The following KIF21B variants were observed in gnomAD, a reference collection of about 807,000 sequenced individuals.
KIF21B encodes kinesin family member 21B.
Under a neutral mutation model 192.9 loss-of-function variants are expected in KIF21B, and 85 were observed. That is an observed-to-expected ratio of 0.44 (90% CI 0.37 to 0.53). The LOEUF is 0.53. KIF21B is among the 20% of genes least tolerant of loss of function. The probability of loss-of-function intolerance (pLI) is 0.00; values close to 1 mark genes in which losing one functional copy is unlikely to be tolerated. For synonymous variants in KIF21B, 832 were observed against 884.6 expected (o/e 0.94, Z 1.05); for missense variants, 1,716 against 2,194.8 (o/e 0.78, Z 4.36).
intron 1 of KIF21B, among the ~76,000 whole-genome samples, chr1:201,011,499 A>G (rs1012652591): frequency 9.2e-5 from 14 of 152,360 alleles, no homozygotes; most frequent in African/African-American, 3.4e-4. Flanking sequence ...CTTATGCTAC[A>G]CCGTCTCTAA....
intron 1 of KIF21B, among the ~76,000 whole-genome samples, chr1:201,011,437 C>T (rs1658228843): frequency 6.6e-6 from 1 of 152,236 alleles, no homozygotes; most frequent in African/African-American, 2.4e-5. Context: ...CAGTCAGGAG[C>T]AGAGCCAGGG....
At position 200,996,442 on chromosome 1, in the gene KIF21B, C is replaced by A. The variant is rs375152729; in HGVS notation, c.2078-47G>T. ...TGTCGGTGCTGGGTCCCTAAGGGCT[C>A]CCACTAAATACAGGGTCATCAAGGG... On this transcript the variant is annotated intron_variant, in intron 14 of 34. Coordinates refer to ENST00000461742, the MANE Select transcript of KIF21B (RefSeq NM_001252102.2). 13 of 1,547,220 alleles carry A rather than the reference C, an allele frequency of 8.4e-6. No individual in the cohort carries two copies. The African/African-American group carries it at 9.5e-5, about 11-fold the overall frequency.
Position 201,000,159 on chromosome 1 carries a change from C to A in KIF21B, c.1686-195G>T, listed in dbSNP as rs1657385227. On this transcript the variant is annotated intron_variant, in intron 11 of 34. Transcript: ENST00000461742. This position sits in a 1 kb window ranked among gnomAD's most constrained non-coding sequence, Gnocchi z 6.0. Reference sequence around the variant, plus strand: ...TGACCTTGGCTCAGCTCAGTCCTTCCTCTCCTTGGGGGAAAGCAGATGGCA... The same window carrying A: ...TGACCTTGGCTCAGCTCAGTCCTTCATCTCCTTGGGGGAAAGCAGATGGCA... Among the ~76,000 whole-genome samples the A allele has an allele frequency of 6.6e-6, 1 of 152,162 alleles. No homozygotes were observed. Among genetic ancestry groups the A allele is most frequent in the Non-Finnish European group, 1.5e-5 (1 of 68,002 alleles).
Position 201,005,326 on chromosome 1 carries a change from C to T in KIF21B, c.714G>A (p.Met238Ile). The T allele has an allele frequency of 8.7e-6, 14 of 1,607,420 alleles. No individual in the cohort carries two copies. Among genetic ancestry groups the T allele is most frequent in the Non-Finnish European group, 1.1e-5 (13 of 1,176,934 alleles). ...IFTIHLCQMR[M>I]CTQPDLVNEA... ...TCCTCACCAGGTCGGGCTGGGTGCA[C>T]ATGCGCATCTGGCACAGGTGGATGG... Residue 238 changes from methionine (M) to isoleucine (I), a missense_variant, in exon 5 of 35, where the codon ATG becomes ATA. Coordinates refer to ENST00000461742, the MANE Select transcript of KIF21B (RefSeq NM_001252102.2).
At chr1:201,011,539 G>C (rs955958028) in intron 1 of KIF21B, among the ~76,000 whole-genome samples, 1 of 152,250 alleles carries the variant, frequency 6.6e-6, no homozygotes, top group Non-Finnish European at 1.5e-5. Context: ...CAGGGGGAAA[G>C]AACATCTCAT....
At chr1:201,004,637 G>A (rs185743501) in intron 6 of KIF21B, 129 bp downstream of exon 6, 11 of 1,255,986 alleles carry the variant, frequency 8.8e-6, no homozygotes, top group Middle Eastern at 1.9e-4. Flanking sequence ...CAGGGGTGAC[G>A]CCTGAGAGTG....
rs756914215 is a variant in KIF21B, at chr1:201,005,035, C to A, written c.733-102G>T. Reference sequence around the variant, plus strand: ...GGGAGAGGCACGGTGGACGGCCAAGCGCCTTGCCCTTCGCACATGCAGAGC... The same window carrying A: ...GGGAGAGGCACGGTGGACGGCCAAGAGCCTTGCCCTTCGCACATGCAGAGC... On this transcript the variant is annotated intron_variant, in intron 5 of 34. Transcript: ENST00000461742. The A allele has an allele frequency of 4.2e-5, 56 of 1,339,498 alleles. No individual in the cohort carries two copies. The African/African-American group carries it at 7.6e-4, about 18-fold the overall frequency. 83.0% of individuals were successfully genotyped at this position (1,339,498 alleles called of 1,614,324 possible). A position where few individuals can be genotyped will look rare whatever the true frequency, so the allele number is the denominator to read the frequency against.
intron 3 of KIF21B, 141 bp from the exon 4 acceptor site, chr1:201,005,835 T>TGCAGAAAGGTCATGGGA: frequency 1.2e-6 from 1 of 852,024 alleles, no homozygotes; most frequent in Non-Finnish European, 1.8e-6. Flanking sequence ...TCCCATGACC[T>TGCAGAAAGGTCATGGGA]TTCTGCAGGA....
intron 31 of KIF21B, 45 bp from the exon 32 acceptor site, chr1:200,976,938 G>A (rs1400441721): frequency 3.4e-6 from 5 of 1,460,506 alleles, no homozygotes; most frequent in East Asian, 2.3e-5. Flanking sequence ...AATTAGAGGG[G>A]ACCCTGGGTT....
At position 200,979,786 on chromosome 1, in the gene KIF21B, G is replaced by T. The variant is rs1469442006; in HGVS notation, c.3980-71C>A. ...CACTAGGGGGCGCAGCTCCACCTCT[G>T]CAGGGGCTGCCCAGGATAGGGGAAA... On this transcript the variant is annotated intron_variant, in intron 29 of 34. Coordinates refer to ENST00000461742, the MANE Select transcript of KIF21B (RefSeq NM_001252102.2). The T allele has an allele frequency of 2.3e-6, 3 of 1,329,082 alleles. No individual in the cohort carries two copies. The African/African-American group carries it at 4.5e-5, about 20-fold the overall frequency. 82.3% of individuals were successfully genotyped at this position (1,329,082 alleles called of 1,614,324 possible).
At chr1:201,018,973 C>T (rs1658663873) in intron 1 of KIF21B, among the ~76,000 whole-genome samples, 1 of 152,184 alleles carries the variant, frequency 6.6e-6, no homozygotes, top group Non-Finnish European at 1.5e-5. Flanking sequence ...CTTGCTTAGT[C>T]ACCCAGGCTG....
intron 29 of KIF21B, among the ~76,000 whole-genome samples, chr1:200,980,597 C>A (rs987880979): frequency 6.6e-6 from 1 of 152,202 alleles, no homozygotes; most frequent in Non-Finnish European, 1.5e-5. Flanking sequence ...ATCAGGTGAG[C>A]GTGACTTTGT....
At chr1:200,988,150 A>G (rs1264102405) in intron 24 of KIF21B, 146 bp downstream of exon 24, 4 of 809,070 alleles carry the variant, frequency 4.9e-6, no homozygotes, top group African/African-American at 3.4e-5. Context: ...CCCCAATTCC[A>G]GACTAAATTT....
Position 200,984,891 on chromosome 1 carries a change from G to C in KIF21B, c.3771C>G (p.Thr1257=). 1 of 1,605,236 alleles carries C rather than the reference G, an allele frequency of 6.2e-7. No individual in the cohort carries two copies. The highest frequency in any genetic ancestry group is 8.5e-7 in the Non-Finnish European group (1 of 1,176,736). Residue 1257 remains threonine (T), a synonymous_variant, in exon 27 of 35, where the codon ACC becomes ACG. Transcript: ENST00000461742. ...RNDRNVFSRL[T]SNQSQGSALD... Reference sequence around the variant, plus strand: ...GCGCTGACCCCTGGCTCTGATTACTGGTGAGACGAGAGAAGACATTGCGGT... The same window carrying C: ...GCGCTGACCCCTGGCTCTGATTACTCGTGAGACGAGAGAAGACATTGCGGT...
At chr1:200,997,298 G>A (rs1481509894) in intron 14 of KIF21B, among the ~76,000 whole-genome samples, 4 of 152,050 alleles carry the variant, frequency 2.6e-5, no homozygotes, top group South Asian at 2.1e-4. Flanking sequence ...TCCCCTTATC[G>A]TTCTGCCAAA....
At chr1:200,973,716 C>T (rs539464872) in intron 34 of KIF21B, 138 bp from the exon 35 acceptor site, 124 of 1,485,698 alleles carry the variant, frequency 8.3e-5, no homozygotes, top group African/African-American at 1.7e-4. Context: ...GCATGGCTTA[C>T]GGGGAGGTGG....
In KIF21B at chr1:200,996,228, G is replaced by A; in HGVS notation, c.2245C>T (p.Gln749Ter). ...SRYERELKKL[Q>*]AEVAEMKKAK... ...TTCTTCATCTCAGCCACCTCGGCCT[G>A]TAGCTTCTTCAGCTCCCTCTCGTAG... Residue 749 changes from glutamine (Q) to a stop codon, truncating the protein, a stop_gained, in exon 15 of 35, where the codon CAG (glutamine) becomes TAG (stop). Coordinates refer to ENST00000461742, the MANE Select transcript of KIF21B (RefSeq NM_001252102.2). LOFTEE classifies it high-confidence loss of function. 1.2e-6 allele frequency: 2 copies of A among 1,613,726 alleles called. No homozygotes were observed. The highest frequency in any genetic ancestry group is 1.3e-5 in the African/African-American group (1 of 75,046).
rs557318890 is a variant in KIF21B, at chr1:200,973,147, T to G, written c.*374A>C. 4 of 207,834 alleles carry G rather than the reference T, an allele frequency of 1.9e-5. No individual in the cohort carries two copies. In the East Asian group the frequency reaches 4.3e-4, roughly 22 times the overall value. The allele number at this position is 207,834 out of a possible 1,614,324, so 12.9% of individuals were successfully genotyped here. A position where few individuals can be genotyped will look rare whatever the true frequency, so the allele number is the denominator to read the frequency against. ...AGGCCAGCTCCTCGGAAGGGTGGGATGGGGCCAGGCTGCTGCACCTCCCCA... is the reference window on the plus strand; with the variant it reads ...AGGCCAGCTCCTCGGAAGGGTGGGAGGGGGCCAGGCTGCTGCACCTCCCCA... On this transcript the variant is annotated 3_prime_UTR_variant, in exon 35 of 35. Coordinates refer to ENST00000461742, the MANE Select transcript of KIF21B (RefSeq NM_001252102.2).
chr1:200,991,778 C>T, intron 16 of KIF21B, 53 bp from the exon 17 acceptor site: 1 of 1,578,380 alleles, frequency 6.3e-7, no homozygotes, highest in Non-Finnish European at 8.7e-7. Context: ...TTAGCCCTCT[C>T]TGTCTGTGTA....
Sources: allele counts gnomAD v4.1 joint callset (sites outside exome capture counted in the v4.1 genomes callset), GRCh38; gene constraint gnomAD v4.1.1; non-coding constraint Gnocchi (gnomAD v3.1); transcripts MANE v1.5; gene names NCBI Gene and HGNC (gene_info 2026-07-23, HGNC 2026-07-21).